Variants in DAB1 observed in about 807,000 individuals in gnomAD.
DAB1 encodes DAB adaptor protein 1.
DAB1 carries 15 observed loss-of-function variants against 64.6 expected under a neutral mutation model. The ratio of observed to expected loss-of-function variants is 0.23; its 90% CI spans 0.16 to 0.36. DAB1 has a LOEUF of 0.36. Ranked by LOEUF, DAB1 falls within the 10% of genes least tolerant of loss-of-function variation. The pLI is 1.00. For missense variants in DAB1, 596 were observed against 706.7 expected (o/e 0.84, Z 1.78); for synonymous variants, 235 against 251.9 (o/e 0.93, Z 0.64).
intron 4 of DAB1, among the ~76,000 whole-genome samples, chr1:58,269,218 T>C (rs1282959347): frequency 6.8e-6 from 1 of 146,128 alleles, no homozygotes; most frequent in Non-Finnish European, 1.5e-5. Context: ...CCTGTGTCCA[T>C]GTGATCTCAT....
chr1:57,278,073 A>G (rs1443237749), intron 2 of DAB1, among the ~76,000 whole-genome samples: 1 of 152,230 alleles, frequency 6.6e-6, no homozygotes, highest in Middle Eastern at 3.4e-3. Flanking sequence ...CAGGAACCAG[A>G]CCCCTAGGAA....
At chr1:57,582,069 A>C (rs1200275102) in intron 7 of DAB1, among the ~76,000 whole-genome samples, 1 of 151,982 alleles carries the variant, frequency 6.6e-6, no homozygotes, top group Non-Finnish European at 1.5e-5. Context: ...GTCTCTTCCT[A>C]CTCTTAAAAG....
intron 3 of DAB1, among the ~76,000 whole-genome samples, chr1:58,434,152 A>G (rs1451647560): frequency 1.3e-5 from 2 of 152,206 alleles, no homozygotes; most frequent in East Asian, 3.8e-4. Context: ...CAGAAAAGTG[A>G]CATTATCTGA....
At chr1:57,156,746 G>T (rs1004002071) in intron 2 of DAB1, among the ~76,000 whole-genome samples, 5 of 152,208 alleles carry the variant, frequency 3.3e-5, no homozygotes, top group Admixed American at 1.3e-4. Flanking sequence ...CATTAGAGAA[G>T]AGCATTTCTC....
intron 6 of DAB1, among the ~76,000 whole-genome samples, chr1:57,679,626 C>T (rs1384846506): frequency 6.6e-6 from 1 of 152,168 alleles, no homozygotes; most frequent in African/African-American, 2.4e-5. Flanking sequence ...GCTTGTAAGC[C>T]ATGAATTAGG....
intron 3 of DAB1, among the ~76,000 whole-genome samples, chr1:58,383,003 T>C (rs931960311): frequency 3.0e-4 from 45 of 152,166 alleles, no homozygotes; most frequent in African/African-American, 1.0e-3. Flanking sequence ...TAATGTGTAA[T>C]GAGGACTTAT....
chr1:58,109,720 G>A (rs540819209), intron 5 of DAB1, among the ~76,000 whole-genome samples: 54 of 151,978 alleles, frequency 3.6e-4, no homozygotes, highest in Admixed American at 5.9e-4. Context: ...CAAAGCACAC[G>A]GCAAGAAGTG....
intron 7 of DAB1, among the ~76,000 whole-genome samples, chr1:57,624,401 C>T (rs1051271278): frequency 4.6e-5 from 7 of 151,922 alleles, no homozygotes; most frequent in African/African-American, 1.2e-4. Flanking sequence ...GAAATGGAAA[C>T]GATGAAAGGA....
intron 1 of DAB1, among the ~76,000 whole-genome samples, chr1:57,828,198 G>A (rs11207116): frequency 0.018 from 2,735 of 152,158 alleles, 95 homozygotes; most frequent in African/African-American, 0.064. Context: ...GCCCGCCTCC[G>A]CCTTCCAAAG....
rs149395676 is a variant in DAB1 at position 57,134,310 on chromosome 1, C to T, written c.306+2233G>A. ...TCATATAAAGACTGTTAAGGCTGGGCGCGGTGGCTCATGCCTGTAATCCCA... is the reference window on the plus strand; with the variant it reads ...TCATATAAAGACTGTTAAGGCTGGGTGCGGTGGCTCATGCCTGTAATCCCA... On this transcript the variant is annotated intron_variant, in intron 4 of 14. Transcript: ENST00000371236. Among the ~76,000 whole-genome samples, 89 of 152,174 alleles carry T rather than the reference C, an allele frequency of 5.8e-4. 1 individual carries two copies. The East Asian group carries it at 0.01, about 18-fold the overall frequency.
At chr1:58,296,218 A>AAAGAAAG (rs1661984036) in intron 4 of DAB1, among the ~76,000 whole-genome samples, 1 of 149,838 alleles carries the variant, frequency 6.7e-6, no homozygotes, top group African/African-American at 2.5e-5. Context: ...AGAAAGAAAG[A>AAAGAAAG]AAGAAAGAAA....
chr1:57,191,148 CA>C (rs1180194843), intron 2 of DAB1, among the ~76,000 whole-genome samples: 1 of 152,148 alleles, frequency 6.6e-6, no homozygotes, highest in Non-Finnish European at 1.5e-5. Context: ...ATGGTAAATA[CA>C]AGCTAATGAG....
chr1:57,732,314 T>C (rs1308049641), intron 6 of DAB1, among the ~76,000 whole-genome samples: 1 of 152,200 alleles, frequency 6.6e-6, no homozygotes, highest in Non-Finnish European at 1.5e-5. Flanking sequence ...TGGGAAGTGC[T>C]GTGCACTGAA....
At chr1:57,517,557 A>G (rs1395742218) in intron 7 of DAB1, among the ~76,000 whole-genome samples, 1 of 152,334 alleles carries the variant, frequency 6.6e-6, no homozygotes, top group Non-Finnish European at 1.5e-5. Flanking sequence ...CATTAATTTC[A>G]GTCTGAGTGT....
intron 4 of DAB1, among the ~76,000 whole-genome samples, chr1:57,082,502 T>G (rs1410500511): frequency 6.6e-6 from 1 of 152,214 alleles, no homozygotes; most frequent in East Asian, 1.9e-4. Flanking sequence ...ATCTTTCTTT[T>G]TCTGTTTTAT....
At chr1:57,710,479 T>C (rs1048843027) in intron 6 of DAB1, among the ~76,000 whole-genome samples, 20 of 152,236 alleles carry the variant, frequency 1.3e-4, no homozygotes, top group Admixed American at 1.3e-3. Flanking sequence ...GACAGTCTTT[T>C]ATACAGTCAG....
intron 9 of DAB1, among the ~76,000 whole-genome samples, chr1:57,058,595 G>A (rs1042279320): frequency 3.0e-4 from 46 of 152,192 alleles, no homozygotes; most frequent in Admixed American, 6.5e-5. Context: ...GTAGTTCAGT[G>A]CAACAAAACA....
chr1:57,883,920 A>G (rs762599802), intron 1 of DAB1: 1 of 152,224 alleles, frequency 6.6e-6, no homozygotes, highest in Non-Finnish European at 1.5e-5. Flanking sequence ...AAACAAAATC[A>G]TGCTCAAAAG....
intron 8 of DAB1, among the ~76,000 whole-genome samples, chr1:57,063,304 T>C (rs537088177): frequency 4.6e-5 from 7 of 152,254 alleles, no homozygotes; most frequent in African/African-American, 1.4e-4. Context: ...ATACTGTTCC[T>C]GAAGTGATTA....
Sources: allele counts gnomAD v4.1 joint callset (sites outside exome capture counted in the v4.1 genomes callset), GRCh38; gene constraint gnomAD v4.1.1; transcripts MANE v1.5; gene names NCBI Gene and HGNC (gene_info 2026-07-23, HGNC 2026-07-21).